CYLD: variants seen among roughly 807,000 people sequenced by gnomAD.
The protein encoded by CYLD is ubiquitin carboxyl-terminal hydrolase CYLD.
A neutral mutation model predicts 104.5 loss-of-function variants in CYLD; 26 were observed. That is an observed-to-expected ratio of 0.25 (90% CI 0.18 to 0.35). The LOEUF is 0.35. CYLD is among the 10% of genes least tolerant of loss of function. The pLI is 1.00. For missense variants in CYLD, 703 were observed against 1,136.1 expected (o/e 0.62, Z 5.48); for synonymous variants, 385 against 399.9 (o/e 0.96, Z 0.45).
At chr16:50,747,056 C>T (rs1966250619) in intron 2 of CYLD, among the ~76,000 whole-genome samples, 1 of 152,062 alleles carries the variant, frequency 6.6e-6, no homozygotes, top group South Asian at 2.1e-4. Flanking sequence ...AATTTTGGCC[C>T]TAAAAATCTA....
rs773718032 is a variant in CYLD at position 50,798,058 on chromosome 16, C to G, written c.*1550C>G. 8.6e-6 allele frequency: 2 copies of G among 232,268 alleles called. No individual in the cohort carries two copies. The highest frequency in any genetic ancestry group is 1.7e-5 in the Non-Finnish European group (2 of 117,444). The allele number at this position is 232,268 out of a possible 1,614,324, so 14.4% of individuals were successfully genotyped here. A position where few individuals can be genotyped will look rare whatever the true frequency, so the allele number is the denominator to read the frequency against. ...TCTGGGTTTAGGGCTAGCCCTGCCT[C>G]CATCTCCCTTGGGTAAAATGAAGGG... On this transcript the variant is annotated 3_prime_UTR_variant, in exon 19 of 19. Coordinates refer to ENST00000427738, the MANE Select transcript of CYLD (RefSeq NM_001378743.1).
At chr16:50,765,320 T>G (rs1968382112) in intron 5 of CYLD, among the ~76,000 whole-genome samples, 1 of 152,166 alleles carries the variant, frequency 6.6e-6, no homozygotes, top group African/African-American at 2.4e-5. Flanking sequence ...CAATGATCTT[T>G]GAGGTGACTA....
chr16:50,762,287 A>G (rs1236771501), intron 5 of CYLD, among the ~76,000 whole-genome samples: 1 of 151,980 alleles, frequency 6.6e-6, no homozygotes, highest in East Asian at 1.9e-4. Flanking sequence ...CCTGTTCTAT[A>G]CTGTTTTCAA....
At chr16:50,777,789 C>A in intron 7 of CYLD, 36 bp from the exon 8 acceptor site, 1 of 1,180,478 alleles carries the variant, frequency 8.5e-7, no homozygotes, top group Non-Finnish European at 1.3e-6. Context: ...GCTATATTGA[C>A]TTTATTTTTA....
At chr16:50,754,956 TAC>T (rs1190337445) in intron 5 of CYLD, among the ~76,000 whole-genome samples, 1 of 146,326 alleles carries the variant, frequency 6.8e-6, no homozygotes, top group East Asian at 2.0e-4. Context: ...CACACATATA[TAC>T]ATATACACAC....
intron 17 of CYLD, 131 bp downstream of exon 17, chr16:50,793,795 A>G (rs542288140): frequency 6.2e-5 from 45 of 726,056 alleles, no homozygotes; most frequent in Non-Finnish European, 9.8e-5. Context: ...ATAAAATGGT[A>G]TTGCTTTTGC....
chr16:50,763,976 C>CT (rs1287162212), intron 5 of CYLD, among the ~76,000 whole-genome samples: 2 of 152,056 alleles, frequency 1.3e-5, no homozygotes, highest in Non-Finnish European at 2.9e-5. Context: ...TTATCAACCC[C>CT]TTTTTCTCTA....
At chr16:50,747,628 G>A (rs1417277868) in intron 2 of CYLD, among the ~76,000 whole-genome samples, 1 of 152,136 alleles carries the variant, frequency 6.6e-6, no homozygotes, top group Non-Finnish European at 1.5e-5. Context: ...CAAATTGAGG[G>A]GTTGGATAGC....
At chr16:50,748,241 G>A (rs1477495130) in intron 2 of CYLD, among the ~76,000 whole-genome samples, 2 of 152,148 alleles carry the variant, frequency 1.3e-5, no homozygotes, top group South Asian at 2.1e-4. Context: ...GGGATACCTA[G>A]GAAGTATTGT....
chr16:50,794,735 C>G lies in CYLD; in HGVS notation c.2686+307C>G. The G allele has an allele frequency of 2.5e-6, 1 of 403,364 alleles. No individual in the cohort carries two copies. The highest frequency in any genetic ancestry group is 4.7e-6 in the Non-Finnish European group (1 of 213,010). 25.0% of individuals were successfully genotyped at this position (403,364 alleles called of 1,614,324 possible). A position where few individuals can be genotyped will look rare whatever the true frequency, so the allele number is the denominator to read the frequency against. ...TCTCAGGTTCAAGCAATCCTCCCAC[C>G]TCAGCCTCCTGAGTAGCTGGGACTA... On this transcript the variant is annotated intron_variant, in intron 18 of 18. Transcript: ENST00000427738. The surrounding 1 kb of genome is among the most constrained non-coding windows in gnomAD (Gnocchi z 4.1).
chr16:50,742,330 G>C (rs1965746050), intron 1 of CYLD: 1 of 151,632 alleles, frequency 6.6e-6, no homozygotes, highest in Non-Finnish European at 1.5e-5. Context: ...CCTCGGCGCC[G>C]GCCCGTTAGT....
At chr16:50,788,898 G>A (rs1412848618) in intron 14 of CYLD, among the ~76,000 whole-genome samples, 1 of 151,980 alleles carries the variant, frequency 6.6e-6, no homozygotes, top group African/African-American at 2.4e-5. Context: ...GACTTATACA[G>A]AGCTAAAAGG....
chr16:50,777,768 A>T, intron 7 of CYLD, 57 bp from the exon 8 acceptor site: 1 of 895,602 alleles, frequency 1.1e-6, no homozygotes, highest in Non-Finnish European at 1.9e-6. Context: ...TTACTAAAAA[A>T]AAACTTTGAT....
rs1485933114 is a variant in CYLD at position 50,757,008 on chromosome 16, G to A, written c.913+2584G>A. ...CTTCTCAGTCTCACATGTATACTTG[G>A]GAATATTGTTTCCATGGAGATATAT... On this transcript the variant is annotated intron_variant, in intron 5 of 18. Transcript: ENST00000427738. 2.0e-5 allele frequency among the ~76,000 whole-genome samples: 3 copies of A among 151,944 alleles called. No homozygotes were observed. The East Asian group carries it at 5.8e-4, about 29-fold the overall frequency.
At chr16:50,749,227 A>T (rs73575800) in intron 2 of CYLD, among the ~76,000 whole-genome samples, 6,398 of 152,274 alleles carry the variant, frequency 0.042, 416 homozygotes, top group African/African-American at 0.14. Flanking sequence ...AAAATAAATT[A>T]AAAAAAGTTA....
At chr16:50,795,443 C>T in intron 18 of CYLD, 2 of 660,124 alleles carry the variant, frequency 3.0e-6, no homozygotes, top group South Asian at 1.7e-5. Context: ...TTAAAGCAGC[C>T]CTGCCTCTAC....
chr16:50,742,266 C>G (rs934705853), intron 1 of CYLD, 142 bp downstream of exon 1: 1 of 150,960 alleles, frequency 6.6e-6, no homozygotes, highest in African/African-American at 2.4e-5. Context: ...CGGATCCCCT[C>G]GGCGCAGCCG....
chr16:50,742,409 C>CG (rs1409283962), intron 1 of CYLD: 1 of 179,536 alleles, frequency 5.6e-6, no homozygotes, highest in East Asian at 1.3e-4. Flanking sequence ...GTTTCCCCCC[C>CG]CCACCGGGGC....
intron 5 of CYLD, among the ~76,000 whole-genome samples, chr16:50,773,438 C>CT (rs1555507794): frequency 6.6e-6 from 1 of 152,048 alleles, no homozygotes; most frequent in East Asian, 1.9e-4. Flanking sequence ...TAGTTTGTTC[C>CT]TTTTTTATTG....
Sources: gnomAD v4.1 joint callset for allele counts (sites outside exome capture counted in the v4.1 genomes callset) on GRCh38, gnomAD v4.1.1 for gene constraint, Gnocchi (gnomAD v3.1) non-coding constraint, MANE v1.5 for transcripts, NCBI Gene and HGNC (gene_info 2026-07-23, HGNC 2026-07-21) for gene names.